CD200: variants seen among roughly 807,000 people sequenced by gnomAD.
The protein encoded by CD200 is CD200 molecule.
CD200 carries 15 observed loss-of-function variants against 30.9 expected under a neutral mutation model. The observed-to-expected ratio is 0.49, with a 90% CI of 0.32 to 0.75. CD200 has a LOEUF of 0.75. CD200 is among the 30% of genes least tolerant of loss of function. The pLI is 0.03. For missense variants in CD200, 262 were observed against 324.2 expected, an observed-to-expected ratio of 0.81 and a Z score of 1.47; for synonymous variants, 134 against 126.2, an observed-to-expected ratio of 1.06 and a Z score of -0.41.
chr3:112,342,314 T>TTCCTTCCTTCCTTCCTTCCTTTC lies in CD200; in HGVS notation c.94+1332_94+1333insCCTTCCTTCCTTCCTTCCTTTCT, dbSNP rs1559782842. ...CCTTCCTTCCTTCCTTCCTTTCTTC[T>TTCCTTCCTTCCTTCCTTCCTTTC]TTCTTTCTTTCTTTCTTTCTTTCCT... On this transcript the variant is annotated intron_variant, in intron 2 of 5. Coordinates refer to ENST00000315711, the MANE Select transcript of CD200 (RefSeq NM_005944.7). Among the ~76,000 whole-genome samples the TTCCTTCCTTCCTTCCTTCCTTTC allele has an allele frequency of 1.5e-4, 3 of 20,570 alleles. 1 individual carries two copies. Among genetic ancestry groups the TTCCTTCCTTCCTTCCTTCCTTTC allele is most frequent in the South Asian group, 1.3e-3 (1 of 754 alleles). 13.5% of individuals were successfully genotyped at this position (20,570 alleles called of 152,430 possible).
intron 2 of CD200, among the ~76,000 whole-genome samples, chr3:112,343,746 G>A (rs2081322096): frequency 1.3e-5 from 2 of 151,992 alleles, no homozygotes; most frequent in Admixed American, 6.6e-5. Flanking sequence ...GAGTTATGTT[G>A]TTAGGTGCAT....
chr3:112,350,172 G>A (rs150469780), intron 5 of CD200, among the ~76,000 whole-genome samples: 1 of 152,102 alleles, frequency 6.6e-6, no homozygotes, highest in Non-Finnish European at 1.5e-5. Context: ...CAGGCCATCT[G>A]CCCATTTAAG....
intron 5 of CD200, among the ~76,000 whole-genome samples, chr3:112,352,546 A>AC (rs2081553456): frequency 1.2e-5 from 1 of 80,458 alleles, no homozygotes; most frequent in Non-Finnish European, 3.0e-5. Context: ...GAACTGAGAG[A>AC]GAGAGAGAGA....
chr3:112,353,745 G>A (rs567228859), intron 5 of CD200, among the ~76,000 whole-genome samples: 7 of 152,160 alleles, frequency 4.6e-5, no homozygotes, highest in East Asian at 1.9e-4. Context: ...TTTGCTTCCC[G>A]TACAAAGGCT....
At chr3:112,350,173 C>T (rs1047539852) in intron 5 of CD200, among the ~76,000 whole-genome samples, 2 of 152,170 alleles carry the variant, frequency 1.3e-5, no homozygotes, top group Admixed American at 6.5e-5. Context: ...AGGCCATCTG[C>T]CCATTTAAGA....
intron 1 of CD200, chr3:112,335,739 C>A (rs1449140162): frequency 5.2e-6 from 3 of 573,700 alleles, no homozygotes; most frequent in East Asian, 6.2e-5. Flanking sequence ...GATGGAGACT[C>A]CTTGTCTCTG....
chr3:112,347,428 G>T (rs1009044822), intron 3 of CD200, 130 bp from the exon 4 acceptor site: 17 of 931,532 alleles, frequency 1.8e-5, no homozygotes, highest in Middle Eastern at 4.7e-4. Context: ...GTTTGGGTAG[G>T]ATATGCCATG....
chr3:112,345,859 T>C (rs1198805916), intron 3 of CD200, among the ~76,000 whole-genome samples: 1 of 152,196 alleles, frequency 6.6e-6, no homozygotes, highest in Non-Finnish European at 1.5e-5. Flanking sequence ...AAGATATAAC[T>C]GGGCAAGAGC....
At chr3:112,360,753 C>A (rs1037656496) in intron 5 of CD200, among the ~76,000 whole-genome samples, 2 of 152,152 alleles carry the variant, frequency 1.3e-5, no homozygotes, top group Admixed American at 1.3e-4. Flanking sequence ...AAGTCTTTTA[C>A]TTCATCGTCT....
At chr3:112,343,053 G>A (rs1480414710) in intron 2 of CD200, among the ~76,000 whole-genome samples, 1 of 151,836 alleles carries the variant, frequency 6.6e-6, no homozygotes, top group Non-Finnish European at 1.5e-5. Context: ...GGTTTGTAAA[G>A]TTTATTATTT....
At chr3:112,354,325 C>T (rs2081588359) in intron 5 of CD200, among the ~76,000 whole-genome samples, 1 of 152,170 alleles carries the variant, frequency 6.6e-6, no homozygotes, top group Non-Finnish European at 1.5e-5. Flanking sequence ...GCTGTCAGTA[C>T]CTGTTAGACT....
At position 112,361,668 on chromosome 3, in the gene CD200, G is replaced by A; in HGVS notation, c.*118G>A. On this transcript the variant is annotated 3_prime_UTR_variant, in exon 6 of 6. Transcript: ENST00000315711. ...ACCTGAAAGAGCAAAAGAGGTGGGA[G>A]CGAAAGCCTTAAGGATCCCACGACT... The A allele has an allele frequency of 1.1e-6, 1 of 935,706 alleles. No homozygotes were observed. Among genetic ancestry groups the A allele is most frequent in the Non-Finnish European group, 1.8e-6 (1 of 566,436 alleles). The allele number at this position is 935,706 out of a possible 1,614,324, so 58.0% of individuals were successfully genotyped here.
At chr3:112,356,703 A>G (rs1459968279) in intron 5 of CD200, among the ~76,000 whole-genome samples, 2 of 152,238 alleles carry the variant, frequency 1.3e-5, no homozygotes, top group South Asian at 2.1e-4. Flanking sequence ...AAAGTTTTCA[A>G]CTGTTAATTT....
intron 3 of CD200, among the ~76,000 whole-genome samples, chr3:112,346,701 C>T (rs2081403288): frequency 6.6e-6 from 1 of 152,198 alleles, no homozygotes; most frequent in Non-Finnish European, 1.5e-5. Flanking sequence ...AAGCACAGCC[C>T]AGGCTTTCAG....
At chr3:112,350,617 C>T (rs935605720) in intron 5 of CD200, among the ~76,000 whole-genome samples, 1 of 152,114 alleles carries the variant, frequency 6.6e-6, no homozygotes, top group African/African-American at 2.4e-5. Context: ...GAAGTGAATA[C>T]AAAGCTGCAG....
chr3:112,356,599 T>TCTAA (rs1448073517), intron 5 of CD200, among the ~76,000 whole-genome samples: 1 of 152,244 alleles, frequency 6.6e-6, no homozygotes, highest in Non-Finnish European at 1.5e-5. Context: ...TTACTCCTTA[T>TCTAA]CTAACTGAAA....
At chr3:112,348,262 G>T (rs2081447814) in intron 4 of CD200, among the ~76,000 whole-genome samples, 1 of 152,178 alleles carries the variant, frequency 6.6e-6, no homozygotes, top group Non-Finnish European at 1.5e-5. Flanking sequence ...GATGCACCAT[G>T]GGAGGATTGG....
chr3:112,355,299 A>G (rs1007211998), intron 5 of CD200, among the ~76,000 whole-genome samples: 5 of 152,188 alleles, frequency 3.3e-5, no homozygotes, highest in African/African-American at 1.2e-4. Flanking sequence ...TTTATTTTCC[A>G]GGATTATATT....
At chr3:112,334,793 A>G (rs1366544138) in intron 1 of CD200, among the ~76,000 whole-genome samples, 2 of 152,142 alleles carry the variant, frequency 1.3e-5, no homozygotes, top group Admixed American at 6.6e-5. Flanking sequence ...ATTTAAGAGT[A>G]AGGCTTTCCT....
Sources: allele counts gnomAD v4.1 joint callset (sites outside exome capture counted in the v4.1 genomes callset), GRCh38; gene constraint gnomAD v4.1.1; transcripts MANE v1.5; gene names NCBI Gene and HGNC (gene_info 2026-07-23, HGNC 2026-07-21).